The following CTNNA1 variants were observed in gnomAD, a reference collection of about 807,000 sequenced individuals.
The protein encoded by CTNNA1 is catenin alpha-1.
Under a neutral mutation model 98.4 loss-of-function variants are expected in CTNNA1, and 37 were observed. The ratio of observed to expected loss-of-function variants is 0.38; its 90% CI spans 0.29 to 0.49. CTNNA1 has a LOEUF of 0.49. Ranked by LOEUF, CTNNA1 falls within the 20% of genes least tolerant of loss-of-function variation. CTNNA1 has a pLI of 0.95. For missense variants in CTNNA1, 761 were observed against 1,147.2 expected (o/e 0.66, Z 4.86); for synonymous variants, 404 against 413.2 (o/e 0.98, Z 0.27).
At position 138,783,243 on chromosome 5, in the gene CTNNA1, G is replaced by T. The variant is rs1291738773; in HGVS notation, c.172G>T (p.Ala58Ser). 2 of 1,614,082 alleles carry T rather than the reference G, an allele frequency of 1.2e-6. No individual in the cohort carries two copies. The highest frequency in any genetic ancestry group is 1.7e-6 in the Non-Finnish European group (2 of 1,179,984). The stretch of plus-strand genomic sequence containing the variant: ...TAAGAAGAGAGGTCGTTCTAAGAAG[G>T]CCCATGTTTTGGCTGCATCTGTTGA... Reference protein sequence around the residue: ...SNKKRGRSKKAHVLAASVEQA... With the variant: ...SNKKRGRSKKSHVLAASVEQA... The change falls in exon 3 of 18, where the codon GCC becomes TCC. Residue 58 changes from alanine (A) to serine (S), a missense_variant. This residue lies in a region of CTNNA1 where 328 missense variants were observed against 354.3 expected (regional missense o/e 0.93). Transcript: ENST00000302763.
At chr5:138,904,235 C>A (rs28363459) in intron 9 of CTNNA1, 114 bp from the exon 10 acceptor site, 2 of 1,312,056 alleles carry the variant, frequency 1.5e-6, no homozygotes, top group Non-Finnish European at 2.0e-6. Flanking sequence ...AAGGGAGGCA[C>A]CCTTGGTGCC....
At chr5:138,912,227 G>A (rs982918878) in intron 10 of CTNNA1, among the ~76,000 whole-genome samples, 11 of 152,178 alleles carry the variant, frequency 7.2e-5, no homozygotes. Context: ...CAGAGCCCCG[G>A]AAGCTGACTG....
At chr5:138,807,268 A>T (rs1191411577) in intron 3 of CTNNA1, among the ~76,000 whole-genome samples, 1 of 151,822 alleles carries the variant, frequency 6.6e-6, no homozygotes, top group Non-Finnish European at 1.5e-5. Flanking sequence ...TCAGCCTCCC[A>T]AAGTCCTGGG....
At chr5:138,762,755 T>C (rs1053095854) in intron 1 of CTNNA1, among the ~76,000 whole-genome samples, 1 of 148,650 alleles carries the variant, frequency 6.7e-6, no homozygotes, top group Admixed American at 6.9e-5. Context: ...TTGAACAATA[T>C]TGTATGAGTA....
chr5:138,836,495 T>C (rs955089956), intron 7 of CTNNA1, among the ~76,000 whole-genome samples: 19 of 152,400 alleles, frequency 1.2e-4, no homozygotes, highest in African/African-American at 4.6e-4. Context: ...CAAAGAGGTT[T>C]GAAGTACTTC....
Position 138,783,349 on chromosome 5 carries a change from C to T in CTNNA1, c.278C>T (p.Ala93Val), listed in dbSNP as rs748173593. 6.2e-7 allele frequency: 1 copy of T among 1,613,320 alleles called. No homozygotes were observed. The highest frequency in any genetic ancestry group is 8.5e-7 in the Non-Finnish European group (1 of 1,179,638). The change falls in exon 3 of 18, where the codon GCT (alanine) becomes GTT (valine). Residue 93 changes from alanine to valine, a missense_variant. This residue lies in a region of CTNNA1 where 328 missense variants were observed against 354.3 expected (regional missense o/e 0.93). Transcript: ENST00000302763. ...TTTCTCAAGGAGGAGCTTGTGGCTG[C>T]TGTAGAAGATGTTCGAAAACAAGGT... ...SQFLKEELVA[A>V]VEDVRKQGDL...
intron 7 of CTNNA1, among the ~76,000 whole-genome samples, chr5:138,828,798 T>G (rs1252749081): frequency 2.0e-5 from 3 of 152,234 alleles, no homozygotes; most frequent in Admixed American, 6.5e-5. Flanking sequence ...TCTACCATAC[T>G]GTGAAATTAG....
intron 9 of CTNNA1, among the ~76,000 whole-genome samples, chr5:138,902,586 A>AT (rs1187781940): frequency 6.6e-6 from 1 of 152,018 alleles, no homozygotes; most frequent in Non-Finnish European, 1.5e-5. Context: ...CGCCCGGCTA[A>AT]TTTTTTTGTA....
chr5:138,930,658 A>C lies in CTNNA1; in HGVS notation c.2192+4A>C, dbSNP rs372515193. The C allele has an allele frequency of 1.2e-6, 2 of 1,610,432 alleles. No homozygotes were observed. Among genetic ancestry groups the C allele is most frequent in the African/African-American group, 2.7e-5 (2 of 74,862 alleles). Reference sequence around the variant, plus strand: ...TGGAGATGACAGACTTTACCCGGTGAGCAGCACCCCGGCCCCACCAGGCTG... The same window carrying C: ...TGGAGATGACAGACTTTACCCGGTGCGCAGCACCCCGGCCCCACCAGGCTG... On this transcript the variant is annotated splice_donor_region_variant and intron_variant, in intron 15 of 17. Transcript: ENST00000302763.
At chr5:138,848,100 G>C (rs757766474) in intron 7 of CTNNA1, among the ~76,000 whole-genome samples, 25 of 152,218 alleles carry the variant, frequency 1.6e-4, no homozygotes, top group Non-Finnish European at 2.6e-4. Context: ...ATTTACTAAT[G>C]CATATATGCT....
intron 3 of CTNNA1, among the ~76,000 whole-genome samples, chr5:138,793,012 A>C (rs143332092): frequency 6.6e-6 from 1 of 151,766 alleles, no homozygotes; most frequent in African/African-American, 2.4e-5. Flanking sequence ...GTCTCTTTTC[A>C]TGTGATCCCA....
At chr5:138,765,947 CAAAAAAAAAAAAAA>C (rs1026779147) in intron 1 of CTNNA1, among the ~76,000 whole-genome samples, 1 of 48,506 alleles carries the variant, frequency 2.1e-5, no homozygotes, top group Non-Finnish European at 4.5e-5. Flanking sequence ...GACTCTGTCT[CAAAAAAAAAAAAAA>C]AAAAAAAAAA....
intron 2 of CTNNA1, chr5:138,782,539 C>CAG (rs538613821): frequency 1.9e-4 from 46 of 237,484 alleles, no homozygotes; most frequent in Middle Eastern, 1.5e-3. Context: ...GTGAGAGATT[C>CAG]AGAGAGAGAG....
rs138201527 is a variant in CTNNA1, at chr5:138,816,759, G to A, written c.588+4457G>A. On this transcript the variant is annotated intron_variant, in intron 5 of 17. Coordinates refer to ENST00000302763, the MANE Select transcript of CTNNA1 (RefSeq NM_001903.5). ...TGTGTCACTCAGGCTGGAGTGCAGT[G>A]GTGCAATCTCGACTCACTGCAACCT... Among the ~76,000 whole-genome samples, 356 of 151,850 alleles carry A rather than the reference G, an allele frequency of 2.3e-3. 1 individual carries two copies. The highest frequency in any genetic ancestry group is 8.4e-3 in the African/African-American group (346 of 41,386).
intron 5 of CTNNA1, among the ~76,000 whole-genome samples, chr5:138,818,136 T>TC (rs2149754732): frequency 6.7e-6 from 1 of 148,342 alleles, no homozygotes; most frequent in East Asian, 1.9e-4. Flanking sequence ...TCCTTTTTCT[T>TC]TTTTTTTTTT....
intron 5 of CTNNA1, among the ~76,000 whole-genome samples, chr5:138,813,879 A>G (rs1759115747): frequency 6.6e-6 from 1 of 152,158 alleles, no homozygotes; most frequent in Non-Finnish European, 1.5e-5. Context: ...CTGCCTCCCA[A>G]GGTACTGGGA....
chr5:138,828,430 G>A (rs1760942128), intron 7 of CTNNA1, among the ~76,000 whole-genome samples: 1 of 151,922 alleles, frequency 6.6e-6, no homozygotes, highest in African/African-American at 2.4e-5. Flanking sequence ...GTTGCCATAT[G>A]TCTTTCTTTT....
At chr5:138,831,446 A>G (rs1761267909) in intron 7 of CTNNA1, among the ~76,000 whole-genome samples, 1 of 152,078 alleles carries the variant, frequency 6.6e-6, no homozygotes, top group Non-Finnish European at 1.5e-5. Context: ...CACTGCCATT[A>G]CCTTACTTCA....
In CTNNA1 at chr5:138,934,146, C is replaced by G. The variant is rs528942345; in HGVS notation, c.*57C>G. 3 of 1,349,694 alleles carry G rather than the reference C, an allele frequency of 2.2e-6. No homozygotes were observed. Among genetic ancestry groups the G allele is most frequent in the East Asian group, 2.3e-5 (1 of 43,520 alleles). The allele number at this position is 1,349,694 out of a possible 1,614,324, so 83.6% of individuals were successfully genotyped here. A position where few individuals can be genotyped will look rare whatever the true frequency, so the allele number is the denominator to read the frequency against. On this transcript the variant is annotated 3_prime_UTR_variant, in exon 18 of 18. Transcript: ENST00000302763. ...GGGCTCCTGAATATCAGTCACTGTT[C>G]GTCACTCAAATGAATTTGCTAAATA...
Sources: allele counts gnomAD v4.1 joint callset (sites outside exome capture counted in the v4.1 genomes callset), GRCh38; gene constraint gnomAD v4.1.1; regional missense constraint gnomAD v4.1.1; transcripts MANE v1.5; gene names NCBI Gene and HGNC (gene_info 2026-07-23, HGNC 2026-07-21).